RBFOX1: variants seen among roughly 807,000 people sequenced by gnomAD.
RBFOX1 encodes RNA binding protein fox-1 homolog 1.
RBFOX1 carries 8 observed loss-of-function variants against 57.7 expected under a neutral mutation model. That is an observed-to-expected ratio of 0.14 (90% confidence interval 0.08 to 0.25). RBFOX1 has a LOEUF of 0.25. RBFOX1 is among the 10% of genes least tolerant of loss of function. The pLI, the probability that RBFOX1 is intolerant of heterozygous loss-of-function variation, is 1.00. For synonymous variants in RBFOX1, 326 were observed against 222.4 expected, an observed-to-expected ratio of 1.47 and a Z score of -4.15; for missense variants, 611 against 548.5, an observed-to-expected ratio of 1.11 and a Z score of -1.14.
chr16:5,519,803 C>T (rs2043941398), intron 2 of RBFOX1, among the ~76,000 whole-genome samples: 4 of 152,166 alleles, frequency 2.6e-5, no homozygotes, highest in Admixed American at 2.6e-4. Flanking sequence ...CCTGAGAACT[C>T]AGTGCCTTGT....
chr16:7,451,045 G>A (rs1259899525), intron 4 of RBFOX1, among the ~76,000 whole-genome samples: 2 of 152,168 alleles, frequency 1.3e-5, no homozygotes, highest in East Asian at 3.9e-4. Flanking sequence ...CTCAGAGGCA[G>A]CTGGGAGTCC....
chr16:5,342,702 C>T (rs959000739), intron 1 of RBFOX1, among the ~76,000 whole-genome samples: 33 of 152,168 alleles, frequency 2.2e-4, no homozygotes, highest in Admixed American at 1.6e-3. Context: ...CTTGAGCAGT[C>T]TCCTACCTGT....
chr16:5,767,374 C>G (rs1338146605), intron 3 of RBFOX1, among the ~76,000 whole-genome samples: 4 of 152,212 alleles, frequency 2.6e-5, no homozygotes, highest in Non-Finnish European at 5.9e-5. Flanking sequence ...CACAGAAATT[C>G]ATTAACTGAG....
intron 1 of RBFOX1, among the ~76,000 whole-genome samples, chr16:6,249,767 T>C (rs1182468117): frequency 3.5e-5 from 2 of 57,952 alleles, no homozygotes; most frequent in Admixed American, 1.8e-4. Flanking sequence ...CTTCACATTT[T>C]TTTTCTTTTT....
At chr16:5,681,115 C>G (rs1393633904) in intron 3 of RBFOX1, among the ~76,000 whole-genome samples, 2 of 151,996 alleles carry the variant, frequency 1.3e-5, no homozygotes, top group East Asian at 1.9e-4. Context: ...GCTCTGTCAC[C>G]CAGTCTGGAG....
intron 1 of RBFOX1, among the ~76,000 whole-genome samples, chr16:6,216,915 A>G (rs1036826714): frequency 1.3e-5 from 2 of 151,544 alleles, no homozygotes; most frequent in Non-Finnish European, 2.9e-5. Context: ...TTTGATAATC[A>G]GGCTGGTCTT....
intron 1 of RBFOX1, among the ~76,000 whole-genome samples, chr16:5,354,004 A>T (rs1050530965): frequency 6.6e-6 from 1 of 152,138 alleles, no homozygotes; most frequent in African/African-American, 2.4e-5. Flanking sequence ...GAAGGCTGGG[A>T]TGACTTACCA....
At chr16:5,440,422 T>C (rs186393749) in intron 1 of RBFOX1, among the ~76,000 whole-genome samples, 3 of 152,356 alleles carry the variant, frequency 2.0e-5, no homozygotes, top group African/African-American at 7.2e-5. Flanking sequence ...TTTGTTTTGG[T>C]TGAAAAAAAA....
At chr16:5,983,451 G>A (rs564406907) in intron 4 of RBFOX1, among the ~76,000 whole-genome samples, 15 of 152,146 alleles carry the variant, frequency 9.9e-5, no homozygotes, top group Non-Finnish European at 4.4e-5. Context: ...ATAAGGGCTG[G>A]GGCCCTGGCA....
At chr16:7,060,751 A>G (rs773065645) in intron 4 of RBFOX1, among the ~76,000 whole-genome samples, 5 of 152,166 alleles carry the variant, frequency 3.3e-5, no homozygotes, top group African/African-American at 2.4e-5. Context: ...TGCTTGTCCT[A>G]TGCAAATTGT....
intron 2 of RBFOX1, among the ~76,000 whole-genome samples, chr16:6,521,926 G>A (rs1216245910): frequency 1.3e-5 from 2 of 152,110 alleles, no homozygotes; most frequent in African/African-American, 4.8e-5. Context: ...GCTAAGGGAA[G>A]GGGAATACTT....
intron 2 of RBFOX1, among the ~76,000 whole-genome samples, chr16:6,418,339 C>A (rs1436067213): frequency 2.0e-5 from 3 of 151,960 alleles, no homozygotes; most frequent in Non-Finnish European, 4.4e-5. Flanking sequence ...AGAACAGAAT[C>A]TCTTATGGTG....
At chr16:6,679,012 A>G (rs1444527184) in intron 3 of RBFOX1, among the ~76,000 whole-genome samples, 3 of 152,126 alleles carry the variant, frequency 2.0e-5, no homozygotes, top group African/African-American at 7.2e-5. Flanking sequence ...TTCAGATGTC[A>G]AAGAGATCGA....
chr16:6,768,832 G>T (rs1015649293), intron 3 of RBFOX1, among the ~76,000 whole-genome samples: 5 of 151,394 alleles, frequency 3.3e-5, no homozygotes, highest in Admixed American at 3.3e-4. Context: ...GGTTTCAAGC[G>T]ATTCTTCTGC....
chr16:6,021,125 G>C (rs966289938), intron 1 of RBFOX1, among the ~76,000 whole-genome samples: 12 of 152,210 alleles, frequency 7.9e-5, no homozygotes, highest in African/African-American at 2.9e-4. Flanking sequence ...GAAAAGAAGT[G>C]GGGGAGTGTG....
chr16:6,062,503 A>G (rs1052761800), intron 1 of RBFOX1, among the ~76,000 whole-genome samples: 3 of 151,624 alleles, frequency 2.0e-5, no homozygotes, highest in Non-Finnish European at 4.4e-5. Context: ...TTCAGCAACC[A>G]CATACATATT....
intron 4 of RBFOX1, among the ~76,000 whole-genome samples, chr16:7,262,578 G>T (rs936454295): frequency 6.6e-6 from 1 of 152,246 alleles, no homozygotes; most frequent in Admixed American, 6.5e-5. Flanking sequence ...TCCTCATTCT[G>T]GGTCCAGCTT....
At chr16:6,131,989 G>C (rs2096633279) in intron 1 of RBFOX1, among the ~76,000 whole-genome samples, 1 of 152,182 alleles carries the variant, frequency 6.6e-6, no homozygotes, top group Non-Finnish European at 1.5e-5. Flanking sequence ...GATGATTTGA[G>C]CTTGCTCTTT....
At chr16:7,107,087 A>C (rs1176215755) in intron 4 of RBFOX1, among the ~76,000 whole-genome samples, 1 of 152,136 alleles carries the variant, frequency 6.6e-6, no homozygotes, top group Non-Finnish European at 1.5e-5. Flanking sequence ...ACTGATATTT[A>C]AGCCTGTTTC....
Sources: gnomAD v4.1 joint callset for allele counts (sites outside exome capture counted in the v4.1 genomes callset) on GRCh38, gnomAD v4.1.1 for gene constraint, MANE v1.5 for transcripts, NCBI Gene and HGNC (gene_info 2026-07-23, HGNC 2026-07-21) for gene names.